Variants in DCC observed in about 807,000 individuals in gnomAD.
The protein encoded by DCC is netrin receptor DCC.
DCC carries 58 observed loss-of-function variants against 172.5 expected under a neutral mutation model. That is an observed-to-expected ratio of 0.34 (90% CI 0.27 to 0.42). DCC has a LOEUF of 0.42. Among genes scored for constraint, DCC ranks in the 10% least tolerant of loss-of-function variants. DCC has a pLI of 1.00. For missense variants in DCC, 1,740 were observed against 1,791.0 expected, an observed-to-expected ratio of 0.97 and a Z score of 0.51; for synonymous variants, 709 against 644.5, an observed-to-expected ratio of 1.10 and a Z score of -1.52.
intron 1 of DCC, among the ~76,000 whole-genome samples, chr18:52,360,462 A>G (rs535010277): frequency 3.3e-5 from 5 of 152,178 alleles, no homozygotes; most frequent in Non-Finnish European, 7.4e-5. Context: ...CACAGTTTTG[A>G]TGTATTGTGT....
chr18:52,479,584 C>T (rs1051886778), intron 1 of DCC, among the ~76,000 whole-genome samples: 9 of 148,470 alleles, frequency 6.1e-5, no homozygotes, highest in African/African-American at 2.3e-4. Context: ...CCCTCCACCC[C>T]CCCCCCGTCT....
At position 53,526,848 on chromosome 18, in the gene DCC, T is replaced by TCACCCCCGGC; in HGVS notation, c.4254+95_4254+96insCGGCCACCCC. On this transcript the variant is annotated intron_variant, in intron 28 of 28. Coordinates refer to ENST00000442544, the MANE Select transcript of DCC (RefSeq NM_005215.4). Reference sequence around the variant, plus strand: ...ATCTAAACCAATGAGTACTGTCCATTCACCCCAGGCCACCCCAGGCCATTG... The same window carrying TCACCCCCGGC: ...ATCTAAACCAATGAGTACTGTCCATTCACCCCCGGCCACCCCAGGCCACCCCAGGCCATTG... 9 of 959,112 alleles carry TCACCCCCGGC rather than the reference T, an allele frequency of 9.4e-6. No homozygotes were observed. In the South Asian group the frequency reaches 1.2e-4, roughly 13 times the overall value. The allele number at this position is 959,112 out of a possible 1,614,324, so 59.4% of individuals were successfully genotyped here. A position where few individuals can be genotyped will look rare whatever the true frequency, so the allele number is the denominator to read the frequency against.
intron 15 of DCC, among the ~76,000 whole-genome samples, chr18:53,376,134 G>A (rs1302056356): frequency 6.6e-6 from 1 of 152,172 alleles, no homozygotes; most frequent in Non-Finnish European, 1.5e-5. Flanking sequence ...ACGTGTGGCT[G>A]TAATCCCAGC....
At chr18:52,747,626 GTCT>G (rs1445819345) in intron 1 of DCC, among the ~76,000 whole-genome samples, 2 of 152,230 alleles carry the variant, frequency 1.3e-5, no homozygotes, top group East Asian at 1.9e-4. Context: ...TCTACTTCTT[GTCT>G]TCTTCAGTTT....
chr18:53,413,536 A>G (rs950751268), intron 20 of DCC, among the ~76,000 whole-genome samples: 14 of 152,202 alleles, frequency 9.2e-5, no homozygotes, highest in African/African-American at 3.4e-4. Context: ...AAAATTTCTC[A>G]AGTTCTATTC....
chr18:52,899,665 C>CT (rs879845712), intron 2 of DCC, among the ~76,000 whole-genome samples: 198 of 145,826 alleles, frequency 1.4e-3, no homozygotes, highest in South Asian at 2.4e-3. Context: ...TTAAAAACAA[C>CT]TTTTTTTTTT....
At chr18:52,670,949 C>T (rs1385949254) in intron 1 of DCC, among the ~76,000 whole-genome samples, 1 of 152,150 alleles carries the variant, frequency 6.6e-6, no homozygotes, top group African/African-American at 2.4e-5. Flanking sequence ...ATGTAAAATA[C>T]TGTCCTTATC....
intron 2 of DCC, among the ~76,000 whole-genome samples, chr18:52,764,422 C>T (rs2037211840): frequency 6.6e-6 from 1 of 152,154 alleles, no homozygotes; most frequent in Admixed American, 6.5e-5. Context: ...CAAGGTGGGG[C>T]CTAATGGGAG....
At chr18:53,520,359 A>G (rs1168466275) in intron 27 of DCC, among the ~76,000 whole-genome samples, 1 of 152,126 alleles carries the variant, frequency 6.6e-6, no homozygotes, top group Non-Finnish European at 1.5e-5. Context: ...TCATTTGAAC[A>G]TAGTCCATAC....
chr18:52,798,905 G>T (rs943370735), intron 2 of DCC, among the ~76,000 whole-genome samples: 2 of 151,880 alleles, frequency 1.3e-5, no homozygotes, highest in African/African-American at 4.8e-5. Flanking sequence ...CTGCCACCAC[G>T]CCCAGCTAAT....
At chr18:53,215,254 A>C (rs2055828318) in intron 11 of DCC, among the ~76,000 whole-genome samples, 3 of 152,166 alleles carry the variant, frequency 2.0e-5, no homozygotes, top group South Asian at 4.2e-4. Context: ...TTATCACAAG[A>C]GGGCTGTAAT....
chr18:53,169,414 G>A (rs927756113), intron 8 of DCC, among the ~76,000 whole-genome samples: 1 of 152,128 alleles, frequency 6.6e-6, no homozygotes, highest in Admixed American at 6.5e-5. Flanking sequence ...ATCAGACTTC[G>A]TATATTTGAT....
At chr18:53,292,643 C>T (rs1000333693) in intron 12 of DCC, among the ~76,000 whole-genome samples, 33 of 152,126 alleles carry the variant, frequency 2.2e-4, no homozygotes, top group African/African-American at 7.2e-4. Context: ...GAGCCGAGAT[C>T]GTGCCACTGC....
chr18:52,864,515 T>A (rs901323609), intron 2 of DCC, among the ~76,000 whole-genome samples: 1 of 152,220 alleles, frequency 6.6e-6, no homozygotes, highest in Non-Finnish European at 1.5e-5. Context: ...TTTCTTTTTT[T>A]AATTTAATTT....
chr18:53,256,025 C>G (rs1367870754), intron 12 of DCC, among the ~76,000 whole-genome samples: 1 of 152,178 alleles, frequency 6.6e-6, no homozygotes, highest in Non-Finnish European at 1.5e-5. Flanking sequence ...TGAGAAGTGT[C>G]TGTTCATGTC....
chr18:53,518,455 A>G (rs1296146263), intron 27 of DCC, among the ~76,000 whole-genome samples: 5 of 152,154 alleles, frequency 3.3e-5, no homozygotes, highest in Non-Finnish European at 7.4e-5. Context: ...GAGAGATGCT[A>G]GCAGGAGTCT....
At chr18:52,762,725 G>T (rs1184292551) in intron 2 of DCC, among the ~76,000 whole-genome samples, 1 of 152,014 alleles carries the variant, frequency 6.6e-6, no homozygotes, top group Non-Finnish European at 1.5e-5. Flanking sequence ...TTAGGAGGCT[G>T]AAGTGGGAGG....
chr18:52,482,834 C>T (rs1486376424), intron 1 of DCC, among the ~76,000 whole-genome samples: 3 of 152,168 alleles, frequency 2.0e-5, no homozygotes, highest in Non-Finnish European at 2.9e-5. Flanking sequence ...TAATGATTCT[C>T]TTTACCCCTT....
intron 3 of DCC, among the ~76,000 whole-genome samples, chr18:52,909,389 C>T (rs959038646): frequency 2.0e-5 from 3 of 152,078 alleles, no homozygotes; most frequent in Non-Finnish European, 2.9e-5. Flanking sequence ...ACCATGTTGA[C>T]TGATGAAGTA....
Sources: allele counts gnomAD v4.1 joint callset (sites outside exome capture counted in the v4.1 genomes callset), GRCh38; gene constraint gnomAD v4.1.1; transcripts MANE v1.5; gene names NCBI Gene and HGNC (gene_info 2026-07-23, HGNC 2026-07-21).